SYNE3: variants seen among roughly 807,000 people sequenced by gnomAD.
SYNE3 encodes the protein spectrin repeat containing nuclear envelope family member 3.
A neutral mutation model predicts 111.2 loss-of-function variants in SYNE3; 100 were observed. The ratio of observed to expected loss-of-function variants is 0.90; its 90% CI spans 0.77 to 1.06. The LOEUF is 1.06. Among genes scored for constraint, SYNE3 ranks in the 50% least tolerant of loss-of-function variants. The pLI is 0.00. For missense variants in SYNE3, 1,160 were observed against 1,240.3 expected (o/e 0.94, Z 0.97); for synonymous variants, 547 against 533.9 (o/e 1.02, Z -0.34).
chr14:95,421,890 C>T (rs536401360), intron 17 of SYNE3, among the ~76,000 whole-genome samples: 55 of 152,354 alleles, frequency 3.6e-4, no homozygotes, highest in African/African-American at 1.2e-3. Context: ...CTCCACTCCA[C>T]CTGGTTAGCG....
Position 95,417,855 on chromosome 14 carries a change from G to A in SYNE3, c.2899C>T (p.Leu967=), listed in dbSNP as rs763499489. 2 of 1,614,148 alleles carry A rather than the reference G, an allele frequency of 1.2e-6. No homozygotes were observed. Among genetic ancestry groups the A allele is most frequent in the African/African-American group, 1.3e-5 (1 of 74,946 alleles). ...NNFARSFTLM[L]RYNGPPPT is the part of the protein sequence containing the mutation. ...GTGGGTGGTGGGCCATTGTAGCGCA[G>A]CATGAGCGTGAAGGAGCGGGCGAAG... The change falls in exon 18 of 18, where the codon CTG becomes TTG. Residue 967 remains leucine (L), a synonymous_variant. Transcript: ENST00000682763.
intron 7 of SYNE3, 196 bp from the exon 8 acceptor site, chr14:95,450,301 A>G (rs753966240): frequency 1.1e-5 from 7 of 656,890 alleles, no homozygotes; most frequent in African/African-American, 1.8e-5. Flanking sequence ...TAATATCACT[A>G]TGAAAAGGCA....
At chr14:95,501,517 C>T (rs1240039640) in intron 1 of SYNE3, among the ~76,000 whole-genome samples, 2 of 152,182 alleles carry the variant, frequency 1.3e-5, no homozygotes, top group Admixed American at 6.5e-5. Flanking sequence ...TGGAGACCTG[C>T]CCTCGAGGAG....
In SYNE3 at chr14:95,439,707, CTT is replaced by C; in HGVS notation, c.2149_2150del (p.Lys717ValfsTer87). On this transcript the variant is annotated frameshift_variant, in exon 13 of 18. Coordinates refer to ENST00000682763, the MANE Select transcript of SYNE3 (RefSeq NM_152592.6). LOFTEE classifies it high-confidence loss of function. ...VEAQGWLVME[K>X]SSPEGAAVVQ... Reference sequence around the variant, plus strand: ...CCACGGCAGCACCCTCCGGAGAAGACTTCTCCATCACCAGCCAGCCCTGCGCT... The same window carrying C: ...CCACGGCAGCACCCTCCGGAGAAGACCTCCATCACCAGCCAGCCCTGCGCT... 1 of 1,614,200 alleles carries C rather than the reference CTT, an allele frequency of 6.2e-7. No individual in the cohort carries two copies. The highest frequency in any genetic ancestry group is 8.5e-7 in the Non-Finnish European group (1 of 1,180,028).
chr14:95,496,843 G>C (rs1239020773), intron 1 of SYNE3, among the ~76,000 whole-genome samples: 1 of 152,218 alleles, frequency 6.6e-6, no homozygotes, highest in African/African-American at 2.4e-5. Flanking sequence ...AAGTGAGCAA[G>C]CTGTGGAGTC....
chr14:95,433,210 G>A (rs752424093), intron 16 of SYNE3, 50 bp downstream of exon 16: 1 of 1,594,566 alleles, frequency 6.3e-7, no homozygotes. Flanking sequence ...ATACGGCCCA[G>A]CTATAGTCCT....
intron 8 of SYNE3, 126 bp downstream of exon 8, chr14:95,449,805 C>T (rs1886949281): frequency 7.0e-7 from 1 of 1,423,944 alleles, no homozygotes; most frequent in Non-Finnish European, 9.4e-7. Flanking sequence ...GCAGACCGGG[C>T]GCAGTGAGCT....
intron 1 of SYNE3, among the ~76,000 whole-genome samples, chr14:95,510,717 G>A (rs1365417206): frequency 1.3e-5 from 2 of 152,196 alleles, no homozygotes; most frequent in Admixed American, 1.3e-4. Flanking sequence ...GAACCCGGGA[G>A]GCGGAGGTGG....
intron 15 of SYNE3, 129 bp downstream of exon 15, chr14:95,436,691 A>G: frequency 1.8e-6 from 2 of 1,118,922 alleles, no homozygotes; most frequent in South Asian, 1.6e-5. Flanking sequence ...TTTAAAAGCG[A>G]TTATCTATAC....
At chr14:95,432,633 CTAT>C (rs3036482) in intron 16 of SYNE3, among the ~76,000 whole-genome samples, 12,573 of 142,336 alleles carry the variant, frequency 0.088, 648 homozygotes, top group African/African-American at 0.15. Flanking sequence ...ACTAGTTTTG[CTAT>C]TATTATTATT....
At chr14:95,496,098 G>A (rs758135585) in intron 1 of SYNE3, among the ~76,000 whole-genome samples, 8 of 152,248 alleles carry the variant, frequency 5.3e-5, no homozygotes, top group Non-Finnish European at 7.3e-5. Flanking sequence ...TGGGCAGAGA[G>A]TCAGGTTGTG....
At chr14:95,422,929 G>C (rs1339752433) in intron 17 of SYNE3, among the ~76,000 whole-genome samples, 1 of 152,228 alleles carries the variant, frequency 6.6e-6, no homozygotes, top group African/African-American at 2.4e-5. Flanking sequence ...GGGCAGCCCT[G>C]GTTTCCCGGA....
chr14:95,426,943 CAAAAA>C (rs574423106), intron 17 of SYNE3, among the ~76,000 whole-genome samples: 4 of 104,890 alleles, frequency 3.8e-5, no homozygotes, highest in Admixed American at 2.9e-4. Context: ...GACTCCATCT[CAAAAA>C]AAAAAAAAAA....
rs1890480592 is a variant in SYNE3, at chr14:95,505,069, A to T, written c.-15+11527T>A. On this transcript the variant is annotated intron_variant, in intron 1 of 17. Transcript: ENST00000682763. ...ACGAAGTCCAGGCCTGGGAAGCAGCAGTGCTGGGTCCTGCCTTGGGACTCC... is the reference window on the plus strand; with the variant it reads ...ACGAAGTCCAGGCCTGGGAAGCAGCTGTGCTGGGTCCTGCCTTGGGACTCC... 2.6e-5 allele frequency among the ~76,000 whole-genome samples: 4 copies of T among 152,226 alleles called. No individual in the cohort carries two copies. The South Asian group carries it at 8.3e-4, about 31-fold the overall frequency.
At chr14:95,497,655 G>C (rs1444903631) in intron 1 of SYNE3, among the ~76,000 whole-genome samples, 1 of 152,102 alleles carries the variant, frequency 6.6e-6, no homozygotes, top group African/African-American at 2.4e-5. Context: ...AGAGAGCAAG[G>C]CTTTTAGGCT....
At chr14:95,435,502 AT>A (rs1192674965) in intron 15 of SYNE3, among the ~76,000 whole-genome samples, 1 of 152,218 alleles carries the variant, frequency 6.6e-6, no homozygotes, top group Admixed American at 6.5e-5. Flanking sequence ...GTAGTTACAT[AT>A]GTTTAAATGA....
chr14:95,492,849 C>G (rs1329360203), intron 1 of SYNE3, among the ~76,000 whole-genome samples: 1 of 151,960 alleles, frequency 6.6e-6, no homozygotes, highest in African/African-American at 2.4e-5. Flanking sequence ...GAACCTGGCT[C>G]TATTTTTTTT....
At chr14:95,461,516 G>A (rs1887816185) in intron 4 of SYNE3, among the ~76,000 whole-genome samples, 1 of 152,216 alleles carries the variant, frequency 6.6e-6, no homozygotes, top group African/African-American at 2.4e-5. Context: ...AGAGGCTCCA[G>A]TTCAGGGAGG....
chr14:95,489,329 C>G (rs139460075), intron 1 of SYNE3, among the ~76,000 whole-genome samples: 1,535 of 152,310 alleles, frequency 0.01, 13 homozygotes, highest in Middle Eastern at 0.02. Context: ...AATTTCTGAA[C>G]AACTCATGCA....
Sources: gnomAD v4.1 joint callset for allele counts (sites outside exome capture counted in the v4.1 genomes callset) on GRCh38, gnomAD v4.1.1 for gene constraint, MANE v1.5 for transcripts, NCBI Gene and HGNC (gene_info 2026-07-23, HGNC 2026-07-21) for gene names.